The following COL4A3 variants were observed in gnomAD, a reference collection of about 807,000 sequenced individuals.
The protein encoded by COL4A3 is collagen alpha-3(IV) chain.
In COL4A3, 135 loss-of-function variants were observed where a neutral mutation model predicts 217.4. The ratio of observed to expected loss-of-function variants is 0.62; its 90% CI spans 0.54 to 0.72. The LOEUF (loss-of-function observed/expected upper bound fraction) is 0.72, where lower values mean the gene tolerates loss of function less well. Ranked by LOEUF, COL4A3 falls within the 30% of genes least tolerant of loss-of-function variation. The probability of loss-of-function intolerance (pLI) is 0.00; values close to 1 mark genes in which losing one functional copy is unlikely to be tolerated. For missense variants in COL4A3, 1,868 were observed against 2,119.9 expected, an observed-to-expected ratio of 0.88 and a Z score of 2.33; for synonymous variants, 690 against 736.3, an observed-to-expected ratio of 0.94 and a Z score of 1.02.
At chr2:227,233,986 TTG>T (rs1478402209) in intron 1 of COL4A3, among the ~76,000 whole-genome samples, 1 of 152,244 alleles carries the variant, frequency 6.6e-6, no homozygotes, top group Non-Finnish European at 1.5e-5. Context: ...ATTGAGGACC[TTG>T]TATAAGGCTG....
rs2073763846 is a variant in COL4A3 at position 227,312,106 on chromosome 2, C to A, written c.*236C>A. ...TCTGTGGCAAAGCAGCAACTATTCA[C>A]AAAATATCACCAAAAACCTATTCCA... On this transcript the variant is annotated 3_prime_UTR_variant, in exon 52 of 52. Coordinates refer to ENST00000396578, the MANE Select transcript of COL4A3 (RefSeq NM_000091.5). 6 of 580,620 alleles carry A rather than the reference C, an allele frequency of 1.0e-5. No individual in the cohort carries two copies. The highest frequency in any genetic ancestry group is 1.9e-5 in the African/African-American group (1 of 52,692). The allele number at this position is 580,620 out of a possible 1,614,324, so 36.0% of individuals were successfully genotyped here.
intron 1 of COL4A3, among the ~76,000 whole-genome samples, chr2:227,232,692 A>G (rs555364609): frequency 1.3e-5 from 2 of 152,200 alleles, no homozygotes; most frequent in African/African-American, 4.8e-5. Context: ...TGTCTATTCA[A>G]ATCTTTTGCC....
At chr2:227,248,575 T>C in intron 9 of COL4A3, 55 bp downstream of exon 9, 1 of 1,141,640 alleles carries the variant, frequency 8.8e-7, no homozygotes, top group Non-Finnish European at 1.3e-6. Flanking sequence ...TCTCTCTCTC[T>C]CTTTTCGCCT....
intron 1 of COL4A3, among the ~76,000 whole-genome samples, chr2:227,232,053 A>G (rs1037506038): frequency 1.3e-5 from 2 of 152,182 alleles, no homozygotes; most frequent in Non-Finnish European, 2.9e-5. Context: ...AAGTGAGAAT[A>G]TACAATGTTT....
In COL4A3 at chr2:227,247,182, G is replaced by A. The variant is rs141573650; in HGVS notation, c.442-376G>A. On this transcript the variant is annotated intron_variant, in intron 7 of 51. Coordinates refer to ENST00000396578, the MANE Select transcript of COL4A3 (RefSeq NM_000091.5). The stretch of plus-strand genomic sequence containing the variant: ...AGGAAACACCTATTGTAGTAGAAGG[G>A]AGTGGCAGACAGCTGCTGGATGCTG... Among the ~76,000 whole-genome samples, 368 of 152,330 alleles carry A rather than the reference G, an allele frequency of 2.4e-3. 2 individuals are homozygous for A. The highest frequency in any genetic ancestry group is 4.4e-3 in the Non-Finnish European group (300 of 68,026).
chr2:227,196,170 G>T (rs951067556), intron 1 of COL4A3, among the ~76,000 whole-genome samples: 16 of 152,212 alleles, frequency 1.1e-4, no homozygotes, highest in African/African-American at 3.9e-4. Flanking sequence ...TAGCCTAAAT[G>T]TACAGTGTAT....
Position 227,282,512 on chromosome 2 carries a change from C to T in COL4A3, c.2636C>T (p.Pro879Leu), listed in dbSNP as rs368342782. 4.9e-5 allele frequency: 79 copies of T among 1,613,526 alleles called. 2 individuals carry two copies. The highest frequency in any genetic ancestry group is 2.0e-4 in the South Asian group (18 of 91,058). Residue 879 changes from proline to leucine, a missense_variant, in exon 32 of 52, where the codon CCG (proline) becomes CTG (leucine). Pro to Leu is a moderately conservative substitution (Grantham distance 98, BLOSUM62 -3). Transcript: ENST00000396578. This position sits in a 1 kb window ranked among gnomAD's most constrained non-coding sequence, Gnocchi z 4.4. Reference protein sequence around the residue: ...PLGQRGYPGNPGILGPPGEDG... With the variant: ...PLGQRGYPGNLGILGPPGEDG... ...GGTCAAAGAGGATATCCAGGAAATCCGGGAATTTTAGGGCCACCAGGTATC... is the reference window on the plus strand; with the variant it reads ...GGTCAAAGAGGATATCCAGGAAATCTGGGAATTTTAGGGCCACCAGGTATC...
rs921708396 is a variant in COL4A3 at position 227,238,002 on chromosome 2, G to A, written c.122G>A (p.Cys41Tyr). 14 of 1,610,300 alleles carry A rather than the reference G, an allele frequency of 8.7e-6. No homozygotes were observed. The highest frequency in any genetic ancestry group is 1.2e-5 in the Non-Finnish European group (14 of 1,176,708). The change falls in exon 2 of 52, where the codon TGT (cysteine) becomes TAT (tyrosine). Residue 41 changes from cysteine (C) to tyrosine (Y), a missense_variant. By Grantham distance (194) the Cys-to-Tyr change is radical. This residue lies in a region of COL4A3 where 365 missense variants were observed against 333.8 expected (regional missense o/e 1.09). Coordinates refer to ENST00000396578, the MANE Select transcript of COL4A3 (RefSeq NM_000091.5). ...CVCKDKGQCF[C>Y]DGAKGEKGEK... Reference sequence around the variant, plus strand: ...TGTAAAGACAAAGGCCAGTGCTTCTGTGACGGGGCCAAAGGGGAGAAGGTA... The same window carrying A: ...TGTAAAGACAAAGGCCAGTGCTTCTATGACGGGGCCAAAGGGGAGAAGGTA...
chr2:227,236,550 A>G (rs1221816213), intron 1 of COL4A3, among the ~76,000 whole-genome samples: 1 of 152,224 alleles, frequency 6.6e-6, no homozygotes, highest in East Asian at 1.9e-4. Flanking sequence ...TGCCATCAAC[A>G]TATTTTCTGG....
At chr2:227,196,982 T>C (rs1187995017) in intron 1 of COL4A3, among the ~76,000 whole-genome samples, 2 of 152,148 alleles carry the variant, frequency 1.3e-5, no homozygotes, top group Admixed American at 6.5e-5. Context: ...GGTAGGTATT[T>C]ATCATGGTGT....
At chr2:227,190,745 A>G (rs2125700247) in intron 1 of COL4A3, among the ~76,000 whole-genome samples, 1 of 152,326 alleles carries the variant, frequency 6.6e-6, no homozygotes, top group Non-Finnish European at 1.5e-5. Context: ...CGTCTCTACA[A>G]AAAATTAAAA....
At chr2:227,306,459 C>T (rs895022855) in intron 47 of COL4A3, among the ~76,000 whole-genome samples, 5 of 152,130 alleles carry the variant, frequency 3.3e-5, no homozygotes, top group Non-Finnish European at 7.3e-5. Flanking sequence ...TTGGGGCCAA[C>T]TATAGCTCCC....
At chr2:227,229,661 A>G (rs2068283369) in intron 1 of COL4A3, among the ~76,000 whole-genome samples, 1 of 152,200 alleles carries the variant, frequency 6.6e-6, no homozygotes, top group Non-Finnish European at 1.5e-5. Flanking sequence ...GCAGGGTACC[A>G]GGCAGGCTAG....
chr2:227,305,348 T>TA (rs1351866659), intron 47 of COL4A3: 1 of 423,434 alleles, frequency 2.4e-6, no homozygotes, highest in Non-Finnish European at 4.4e-6. Context: ...TAATAAGTCC[T>TA]ATGGGTGTTC....
intron 1 of COL4A3, among the ~76,000 whole-genome samples, chr2:227,230,760 T>A (rs2068358617): frequency 6.6e-6 from 1 of 152,168 alleles, no homozygotes. Flanking sequence ...GTGAGAGAAA[T>A]TAATATCATG....
At chr2:227,172,366 A>G (rs1450954886) in intron 1 of COL4A3, among the ~76,000 whole-genome samples, 2 of 152,012 alleles carry the variant, frequency 1.3e-5, no homozygotes, top group African/African-American at 4.8e-5. Context: ...CAGTAACAAA[A>G]TGTCTGGGTG....
intron 3 of COL4A3, among the ~76,000 whole-genome samples, chr2:227,242,905 T>C (rs2069112142): frequency 6.6e-6 from 1 of 152,240 alleles, no homozygotes; most frequent in African/African-American, 2.4e-5. Context: ...GTGTTCTTTT[T>C]GTCCATTTCT....
chr2:227,247,663 T>G, intron 8 of COL4A3, 79 bp downstream of exon 8: 1 of 1,334,132 alleles, frequency 7.5e-7, no homozygotes. Flanking sequence ...TAATGAGACT[T>G]AAGTCATTAC....
At chr2:227,255,598 T>C (rs1178905340) in intron 15 of COL4A3, among the ~76,000 whole-genome samples, 2 of 152,220 alleles carry the variant, frequency 1.3e-5, no homozygotes, top group African/African-American at 2.4e-5. Context: ...TATTTAAATA[T>C]AGGCAGACCT....
Sources: allele counts gnomAD v4.1 joint callset (sites outside exome capture counted in the v4.1 genomes callset), GRCh38; gene constraint gnomAD v4.1.1; regional missense constraint gnomAD v4.1.1; non-coding constraint Gnocchi (gnomAD v3.1); transcripts MANE v1.5; gene names NCBI Gene and HGNC (gene_info 2026-07-23, HGNC 2026-07-21).